The following ZNF618 variants were observed in gnomAD, a reference collection of about 807,000 sequenced individuals.
ZNF618 encodes the protein zinc finger protein 618.
A neutral mutation model predicts 103.0 loss-of-function variants in ZNF618; 34 were observed. That is an observed-to-expected ratio of 0.33 (90% CI 0.25 to 0.44). ZNF618 has a LOEUF of 0.44. Ranked by LOEUF, ZNF618 falls within the 20% of genes least tolerant of loss-of-function variation. ZNF618 has a pLI of 1.00. For synonymous variants in ZNF618, 551 were observed against 542.2 expected (o/e 1.02, Z -0.23); for missense variants, 1,059 against 1,295.4 (o/e 0.82, Z 2.80).
At chr9:113,911,222 A>G (rs1004889687) in intron 1 of ZNF618, among the ~76,000 whole-genome samples, 1 of 152,220 alleles carries the variant, frequency 6.6e-6, no homozygotes, top group African/African-American at 2.4e-5. Context: ...AGTGCTCTTT[A>G]TAGAAAAAGA....
At chr9:113,967,183 T>G (rs1310204495) in intron 1 of ZNF618, among the ~76,000 whole-genome samples, 2 of 152,240 alleles carry the variant, frequency 1.3e-5, no homozygotes, top group Admixed American at 1.3e-4. Context: ...TTAACCATTT[T>G]TTTAAGATCT....
At chr9:113,953,675 G>A (rs1262373681) in intron 1 of ZNF618, among the ~76,000 whole-genome samples, 3 of 152,146 alleles carry the variant, frequency 2.0e-5, no homozygotes, top group Admixed American at 6.5e-5. Context: ...CTAAACAAAT[G>A]TATGTGGGGG....
In ZNF618 at chr9:114,050,551, T is replaced by C. The variant is rs1377837786; in HGVS notation, c.*384T>C. On this transcript the variant is annotated 3_prime_UTR_variant, in exon 15 of 15. Transcript: ENST00000374126. ...TGGGCGTGTCAGGAAAGCTGAGCGATTGGGAAAGAGGGAGATGTTTCACCT... is the reference window on the plus strand; with the variant it reads ...TGGGCGTGTCAGGAAAGCTGAGCGACTGGGAAAGAGGGAGATGTTTCACCT... 1.2e-5 allele frequency: 2 copies of C among 165,492 alleles called. No individual in the cohort carries two copies. Among genetic ancestry groups the C allele is most frequent in the East Asian group, 1.7e-4 (1 of 5,788 alleles). The allele number at this position is 165,492 out of a possible 1,614,324, so 10.3% of individuals were successfully genotyped here. A position where few individuals can be genotyped will look rare whatever the true frequency, so the allele number is the denominator to read the frequency against.
chr9:113,951,487 ATGTG>A (rs1188784674), intron 1 of ZNF618, among the ~76,000 whole-genome samples: 1 of 45,998 alleles, frequency 2.2e-5, no homozygotes, highest in Non-Finnish European at 5.6e-5. Flanking sequence ...GTACACATAT[ATGTG>A]TGTATGTGTA....
chr9:114,007,863 A>G (rs138341631), intron 7 of ZNF618, among the ~76,000 whole-genome samples: 66 of 152,356 alleles, frequency 4.3e-4, no homozygotes, highest in African/African-American at 1.5e-3. Context: ...CAAAAATCCT[A>G]GAAAGAGGGT....
intron 14 of ZNF618, among the ~76,000 whole-genome samples, chr9:114,048,416 C>T (rs1453591489): frequency 6.6e-6 from 1 of 152,198 alleles, no homozygotes; most frequent in East Asian, 1.9e-4. Flanking sequence ...AATTATGTTG[C>T]ATACATACCA....
Position 113,890,179 on chromosome 9 carries a change from A to G in ZNF618, c.33+13766A>G, listed in dbSNP as rs1044106277. Among the ~76,000 whole-genome samples, 27 of 152,330 alleles carry G rather than the reference A, an allele frequency of 1.8e-4. 1 individual carries two copies. Among genetic ancestry groups the G allele is most frequent in the Admixed American group, 1.8e-3 (27 of 15,306 alleles). On this transcript the variant is annotated intron_variant, in intron 1 of 14. Transcript: ENST00000374126. ...TTCCATTTTTTTCCCAAGCGAAAATAGTTTTTCTTCCCTGACTATAAAAAT... is the reference window on the plus strand; with the variant it reads ...TTCCATTTTTTTCCCAAGCGAAAATGGTTTTTCTTCCCTGACTATAAAAAT...
intron 1 of ZNF618, among the ~76,000 whole-genome samples, chr9:113,961,890 T>C (rs1431971207): frequency 6.6e-6 from 1 of 152,202 alleles, no homozygotes; most frequent in East Asian, 1.9e-4. Flanking sequence ...TTCATCCATA[T>C]GGTTTGGGGC....
chr9:114,042,436 G>T (rs1013312373), intron 13 of ZNF618, among the ~76,000 whole-genome samples: 1 of 152,212 alleles, frequency 6.6e-6, no homozygotes, highest in Non-Finnish European at 1.5e-5. Flanking sequence ...ACTTTGGGAA[G>T]CTAAGGAGGG....
At chr9:113,935,012 G>C (rs994015702) in intron 1 of ZNF618, among the ~76,000 whole-genome samples, 2 of 152,222 alleles carry the variant, frequency 1.3e-5, no homozygotes. Flanking sequence ...GCTGTCCCCA[G>C]GTGCAAGCCC....
Position 114,032,656 on chromosome 9 carries a change from T to C in ZNF618, c.1096T>C (p.Phe366Leu). 1 of 1,614,000 alleles carries C rather than the reference T, an allele frequency of 6.2e-7. No individual in the cohort carries two copies. The highest frequency in any genetic ancestry group is 1.3e-5 in the African/African-American group (1 of 75,046). Residue 366 changes from phenylalanine to leucine, a missense_variant, in exon 12 of 15, where the codon TTC becomes CTC. Phe to Leu is a conservative substitution (Grantham distance 22). Transcript: ENST00000374126. Reference sequence around the variant, plus strand: ...TGTCCCCCACCCAGCAGAAAGCGCTTTCAGTCGGAGAGTAGAAGGCAAAGC... The same window carrying C: ...TGTCCCCCACCCAGCAGAAAGCGCTCTCAGTCGGAGAGTAGAAGGCAAAGC... ...ASKATAAESA[F>L]SRRVEGKAQN...
chr9:113,969,254 G>C, intron 2 of ZNF618, 94 bp downstream of exon 2: 1 of 1,501,266 alleles, frequency 6.7e-7, no homozygotes, highest in Non-Finnish European at 9.3e-7. Flanking sequence ...CTTCCCCCTG[G>C]AAGGATGGGT....
chr9:113,986,686 C>G (rs183107443), intron 2 of ZNF618, among the ~76,000 whole-genome samples: 1 of 152,198 alleles, frequency 6.6e-6, no homozygotes, highest in Admixed American at 6.5e-5. Context: ...CAGATCCAGT[C>G]ACACTGGGGG....
chr9:113,892,336 G>A (rs186908162), intron 1 of ZNF618, among the ~76,000 whole-genome samples: 1 of 152,274 alleles, frequency 6.6e-6, no homozygotes, highest in Non-Finnish European at 1.5e-5. Flanking sequence ...TGTAAATGCT[G>A]TGTGAGTTCT....
At chr9:113,972,945 T>A (rs1838121995) in intron 2 of ZNF618, among the ~76,000 whole-genome samples, 1 of 152,142 alleles carries the variant, frequency 6.6e-6, no homozygotes, top group South Asian at 2.1e-4. Flanking sequence ...GGCACACACC[T>A]GTAATCCCAG....
intron 1 of ZNF618, among the ~76,000 whole-genome samples, chr9:113,951,531 G>GTATACATGTACACATA (rs1835726700): frequency 1.6e-4 from 4 of 25,182 alleles, no homozygotes; most frequent in Non-Finnish European, 2.8e-4. Context: ...GTACACATAT[G>GTATACATGTACACATA]TGTGTACATA....
At chr9:113,963,436 A>G (rs1247887240) in intron 1 of ZNF618, among the ~76,000 whole-genome samples, 55 of 152,190 alleles carry the variant, frequency 3.6e-4, no homozygotes, top group Non-Finnish European at 4.4e-5. Context: ...TTCAAAGGGC[A>G]TTTGAGCATG....
chr9:114,032,050 C>T (rs1321167435), intron 11 of ZNF618, among the ~76,000 whole-genome samples: 4 of 152,232 alleles, frequency 2.6e-5, no homozygotes, highest in African/African-American at 9.6e-5. Context: ...CCAGTAGTCA[C>T]TCAGGGGGAA....
intron 5 of ZNF618, among the ~76,000 whole-genome samples, chr9:114,002,337 A>G (rs1329493981): frequency 6.6e-6 from 1 of 152,184 alleles, no homozygotes; most frequent in Non-Finnish European, 1.5e-5. Flanking sequence ...CACTGGCCTC[A>G]CGCCTCCCAG....
Sources: allele counts gnomAD v4.1 joint callset (sites outside exome capture counted in the v4.1 genomes callset), GRCh38; gene constraint gnomAD v4.1.1; transcripts MANE v1.5; gene names NCBI Gene and HGNC (gene_info 2026-07-23, HGNC 2026-07-21).